AMER2: variants seen among roughly 807,000 people sequenced by gnomAD.
The protein encoded by AMER2 is family with sequence similarity 123A.
A neutral mutation model predicts 4.7 loss-of-function variants in AMER2; 1 was observed. That is an observed-to-expected ratio of 0.21 (90% confidence interval 0.07 to 1.00). AMER2 has a LOEUF of 1.00. Among genes scored for constraint, AMER2 ranks in the 50% least tolerant of loss-of-function variants. The probability of loss-of-function intolerance (pLI) is 0.60; values close to 1 mark genes in which losing one functional copy is unlikely to be tolerated. For missense variants in AMER2, 988 were observed against 966.9 expected (o/e 1.02, Z -0.29); for synonymous variants, 485 against 433.3 (o/e 1.12, Z -1.48).
Position 25,169,967 on chromosome 13 carries a change from G to C in AMER2, c.1653C>G (p.Ser551Arg), listed in dbSNP as rs375589201. Residue 551 changes from serine to arginine, a missense_variant, in exon 1 of 1, where the codon AGC (serine) becomes AGG (arginine). By Grantham distance (110) the Ser-to-Arg change is moderately radical (BLOSUM62 -1). Transcript: ENST00000515384. This position sits in a 1 kb window ranked among gnomAD's most constrained non-coding sequence, Gnocchi z 4.2. ...CATAGAGATCATAGAGCGCGTCCCC[G>C]CTGTAGCTATCCCGGGGGATGCCCG... Reference protein sequence around the residue: ...KKAGIPRDSYSGDALYDLYAD... With the variant: ...KKAGIPRDSYRGDALYDLYAD... 6.2e-7 allele frequency: 1 copy of C among 1,613,994 alleles called. No individual in the cohort carries two copies. Among genetic ancestry groups the C allele is most frequent in the African/African-American group, 1.3e-5 (1 of 74,932 alleles).
chr13:25,170,966 G>C lies in AMER2; in HGVS notation c.654C>G (p.Arg218=). ...KRAKAEAAEG[R]APGGGLILPG... ...GTAGGATCAAGCCGCCCCCGGGCGC[G>C]CGCCCCTCCGCGGCCTCCGCCTTGG... The change falls in exon 1 of 1, where the codon CGC becomes CGG. Residue 218 remains arginine, a synonymous_variant. Transcript: ENST00000515384. The surrounding 1 kb of genome is among the most constrained non-coding windows in gnomAD (Gnocchi z 7.3). 1 of 1,542,468 alleles carries C rather than the reference G, an allele frequency of 6.5e-7. No homozygotes were observed. Among genetic ancestry groups the C allele is most frequent in the Non-Finnish European group, 8.7e-7 (1 of 1,147,486 alleles).
chr13:25,171,995 C>A lies in AMER2; in HGVS notation c.-376G>T, dbSNP rs934723894. 1.2e-5 allele frequency: 3 copies of A among 241,410 alleles called. No individual in the cohort carries two copies. The highest frequency in any genetic ancestry group is 7.8e-6 in the Non-Finnish European group (1 of 127,552). The allele number at this position is 241,410 out of a possible 1,614,324, so 15.0% of individuals were successfully genotyped here. A position where few individuals can be genotyped will look rare whatever the true frequency, so the allele number is the denominator to read the frequency against. On this transcript the variant is annotated 5_prime_UTR_variant, in exon 1 of 1. Coordinates refer to ENST00000515384, the MANE Select transcript of AMER2 (RefSeq NM_152704.4). This position sits in a 1 kb window ranked among gnomAD's most constrained non-coding sequence, Gnocchi z 5.9. Reference sequence around the variant, plus strand: ...TGCCTCTAAAAACGACAACGCAATTCAACCCACCACAAAATGCTTGTTTTT... The same window carrying A: ...TGCCTCTAAAAACGACAACGCAATTAAACCCACCACAAAATGCTTGTTTTT...
In AMER2 at chr13:25,170,706, C is replaced by A. The variant is rs571117602; in HGVS notation, c.914G>T (p.Arg305Leu). Residue 305 changes from arginine (R) to leucine (L), a missense_variant, in exon 1 of 1, where the codon CGC becomes CTC. By Grantham distance (102) the Arg-to-Leu change is moderately radical. Coordinates refer to ENST00000515384, the MANE Select transcript of AMER2 (RefSeq NM_152704.4). The surrounding 1 kb of genome is among the most constrained non-coding windows in gnomAD (Gnocchi z 7.3). ...GACCTCCCCGGGCCCCGGCTCGGCGCGCCGATGCCCCGCGGCGTCCTCTCC... is the reference window on the plus strand; with the variant it reads ...GACCTCCCCGGGCCCCGGCTCGGCGAGCCGATGCCCCGCGGCGTCCTCTCC... Reference protein sequence around the residue: ...ARGEDAAGHRRAEPGPGEVRT... With the variant: ...ARGEDAAGHRLAEPGPGEVRT... 1,088 of 1,493,392 alleles carry A rather than the reference C, an allele frequency of 7.3e-4. 8 individuals are homozygous for A. In the African/African-American group the frequency reaches 0.015, roughly 20 times the overall value. The allele number at this position is 1,493,392 out of a possible 1,614,324, so 92.5% of individuals were successfully genotyped here.
rs1224834432 is a variant in AMER2 at position 25,167,582 on chromosome 13, A to G, written c.*2022T>C. 1.3e-5 allele frequency: 2 copies of G among 152,192 alleles called. No individual in the cohort carries two copies. The highest frequency in any genetic ancestry group is 4.8e-5 in the African/African-American group (2 of 41,468). The allele number at this position is 152,192 out of a possible 1,614,324, so 9.4% of individuals were successfully genotyped here. ...TCTTGGTAGTGTGTTCAGAATGCTT[A>G]AGGCTATGACTGCATATAGGGCCTC... On this transcript the variant is annotated 3_prime_UTR_variant, in exon 1 of 1. Coordinates refer to ENST00000515384, the MANE Select transcript of AMER2 (RefSeq NM_152704.4).
rs1165505830 is a variant in AMER2, at chr13:25,164,937, C to T, written c.*4667G>A. ...GAATATTAAGAAAATCCAATTACAG[C>T]GCAGCTTAGGTGTGAGCTCCAAACT... On this transcript the variant is annotated 3_prime_UTR_variant, in exon 1 of 1. Transcript: ENST00000515384. 4 of 152,136 alleles carry T rather than the reference C, an allele frequency of 2.6e-5. No homozygotes were observed. The highest frequency in any genetic ancestry group is 5.9e-5 in the Non-Finnish European group (4 of 68,032). 9.4% of individuals were successfully genotyped at this position (152,136 alleles called of 1,614,324 possible).
Position 25,168,354 on chromosome 13 carries a change from G to C in AMER2, c.*1250C>G, listed in dbSNP as rs1449161393. On this transcript the variant is annotated 3_prime_UTR_variant, in exon 1 of 1. Transcript: ENST00000515384. ...ATGTGAAAAACTGTATCTTTCTATTGTTTTTCTTTATGTGTTCCTCATTTT... is the reference window on the plus strand; with the variant it reads ...ATGTGAAAAACTGTATCTTTCTATTCTTTTTCTTTATGTGTTCCTCATTTT... 6.6e-6 allele frequency: 1 copy of C among 152,030 alleles called. No homozygotes were observed. Among genetic ancestry groups the C allele is most frequent in the African/African-American group, 2.4e-5 (1 of 41,406 alleles). The allele number at this position is 152,030 out of a possible 1,614,324, so 9.4% of individuals were successfully genotyped here.
rs770855814 is a variant in AMER2, at chr13:25,166,436, T to G, written c.*3168A>C. On this transcript the variant is annotated 3_prime_UTR_variant, in exon 1 of 1. Transcript: ENST00000515384. ...TAAACGCATCAACCACCATCTGTAC[T>G]AAAGCAGAGTGTTTCAAATAACAGT... 1.3e-5 allele frequency: 2 copies of G among 152,194 alleles called. No homozygotes were observed. Among genetic ancestry groups the G allele is most frequent in the African/African-American group, 2.4e-5 (1 of 41,458 alleles). 9.4% of individuals were successfully genotyped at this position (152,194 alleles called of 1,614,324 possible).
Position 25,171,470 on chromosome 13 carries a change from G to T in AMER2, c.150C>A (p.Ala50=). ...AADMDLHCDC[A]AETPAAEPPS... The stretch of plus-strand genomic sequence containing the variant: ...GCGGCTCGGCGGCCGGCGTTTCGGC[G>T]GCACAGTCACAATGCAAGTCCATGT... Residue 50 remains alanine, a synonymous_variant, in exon 1 of 1, where the codon GCC becomes GCA. Transcript: ENST00000515384. The surrounding 1 kb of genome is among the most constrained non-coding windows in gnomAD (Gnocchi z 5.9). The T allele has an allele frequency of 6.2e-7, 1 of 1,609,692 alleles. No individual in the cohort carries two copies.
Position 25,171,243 on chromosome 13 carries a change from C to A in AMER2, c.377G>T (p.Gly126Val). 7.1e-7 allele frequency: 1 copy of A among 1,413,024 alleles called. No homozygotes were observed. The highest frequency in any genetic ancestry group is 2.9e-5 in the East Asian group (1 of 34,970). 87.5% of individuals were successfully genotyped at this position (1,413,024 alleles called of 1,614,324 possible). A position where few individuals can be genotyped will look rare whatever the true frequency, so the allele number is the denominator to read the frequency against. The stretch of plus-strand genomic sequence containing the variant: ...CCCGCCGCCCCCGCCGCTGTCGCCC[C>A]CGCCGCGCGGCTCCTCCTTCCTGCC... ...ESGRKEEPRG[G>V]GDSGGGGGGR... The change falls in exon 1 of 1, where the codon GGG (glycine) becomes GTG (valine). Residue 126 changes from glycine (G) to valine (V), a missense_variant. By Grantham distance (109) the Gly-to-Val change is moderately radical. Transcript: ENST00000515384. The surrounding 1 kb of genome is among the most constrained non-coding windows in gnomAD (Gnocchi z 5.9).
rs553258918 is a variant in AMER2, at chr13:25,171,837, G to A, written c.-218C>T. On this transcript the variant is annotated 5_prime_UTR_variant, in exon 1 of 1. Transcript: ENST00000515384. This position sits in a 1 kb window ranked among gnomAD's most constrained non-coding sequence, Gnocchi z 5.9. Reference sequence around the variant, plus strand: ...GCATGGCGTTTTTGTGGCAGGAGCAGGCAACACAGCCGCGAGCTGATTGCA... The same window carrying A: ...GCATGGCGTTTTTGTGGCAGGAGCAAGCAACACAGCCGCGAGCTGATTGCA... 57 of 914,102 alleles carry A rather than the reference G, an allele frequency of 6.2e-5. No individual in the cohort carries two copies. Among genetic ancestry groups the A allele is most frequent in the Non-Finnish European group, 7.3e-5 (50 of 683,808 alleles). The allele number at this position is 914,102 out of a possible 1,614,324, so 56.6% of individuals were successfully genotyped here.
Position 25,170,914 on chromosome 13 carries a change from A to T in AMER2, c.706T>A (p.Cys236Ser). The T allele has an allele frequency of 6.8e-7, 1 of 1,472,616 alleles. No homozygotes were observed. Among genetic ancestry groups the T allele is most frequent in the Non-Finnish European group, 8.9e-7 (1 of 1,118,642 alleles). The allele number at this position is 1,472,616 out of a possible 1,614,324, so 91.2% of individuals were successfully genotyped here. A position where few individuals can be genotyped will look rare whatever the true frequency, so the allele number is the denominator to read the frequency against. The change falls in exon 1 of 1, where the codon TGC (cysteine) becomes AGC (serine). Residue 236 changes from cysteine (C) to serine (S), a missense_variant. By Grantham distance (112) the Cys-to-Ser change is moderately radical. Coordinates refer to ENST00000515384, the MANE Select transcript of AMER2 (RefSeq NM_152704.4). The surrounding 1 kb of genome is among the most constrained non-coding windows in gnomAD (Gnocchi z 7.3). ...GCTCTGGGCGTCTCCTCCTTGACGC[A>T]CTCCAGGCTGGCGGTGAGCGAGCCG... ...LPGSLTASLE[C>S]VKEETPRAAR...
chr13:25,167,448 C>T lies in AMER2; in HGVS notation c.*2156G>A, dbSNP rs1267005849. 1 of 152,108 alleles carries T rather than the reference C, an allele frequency of 6.6e-6. No individual in the cohort carries two copies. The highest frequency in any genetic ancestry group is 2.4e-5 in the African/African-American group (1 of 41,440). 9.4% of individuals were successfully genotyped at this position (152,108 alleles called of 1,614,324 possible). Reference sequence around the variant, plus strand: ...TCAAATGTAAATCCCTTGTTTAATACAGAAATAATTTCAAAAATAATTTCC... The same window carrying T: ...TCAAATGTAAATCCCTTGTTTAATATAGAAATAATTTCAAAAATAATTTCC... On this transcript the variant is annotated 3_prime_UTR_variant, in exon 1 of 1. Transcript: ENST00000515384.
At position 25,169,782 on chromosome 13, in the gene AMER2, T is replaced by C. The variant is rs1378975041; in HGVS notation, c.1838A>G (p.Lys613Arg). 2 of 1,614,202 alleles carry C rather than the reference T, an allele frequency of 1.2e-6. No individual in the cohort carries two copies. Among genetic ancestry groups the C allele is most frequent in the Admixed American group, 1.7e-5 (1 of 60,034 alleles). Residue 613 changes from lysine to arginine, a missense_variant, in exon 1 of 1, where the codon AAG (lysine) becomes AGG (arginine). Transcript: ENST00000515384. The surrounding 1 kb of genome is among the most constrained non-coding windows in gnomAD (Gnocchi z 4.2). ...LKDSKIPISIKHLTNLPSSHP... is the reference protein window; with the variant it reads ...LKDSKIPISIRHLTNLPSSHP... ...GCTAGATGGAAGGTTGGTCAGGTGC[T>C]TGATGCTAATAGGGATCTTAGAGTC...
Position 25,171,595 on chromosome 13 carries a change from C to T in AMER2, c.25G>A (p.Gly9Ser). 6.7e-7 allele frequency: 1 copy of T among 1,501,672 alleles called. No individual in the cohort carries two copies. Among genetic ancestry groups the T allele is most frequent in the Non-Finnish European group, 8.8e-7 (1 of 1,139,310 alleles). 93.0% of individuals were successfully genotyped at this position (1,501,672 alleles called of 1,614,324 possible). A position where few individuals can be genotyped will look rare whatever the true frequency, so the allele number is the denominator to read the frequency against. The change falls in exon 1 of 1, where the codon GGC (glycine) becomes AGC (serine). Residue 9 changes from glycine to serine, a missense_variant. Gly to Ser is a moderately conservative substitution (Grantham distance 56). Transcript: ENST00000515384. This position sits in a 1 kb window ranked among gnomAD's most constrained non-coding sequence, Gnocchi z 5.9. METSRSRG[G>S]GGAVSERGGA... ...CCGCGCTCGCTGACAGCCCCGCCGC[C>T]GCCGCGGCTCCGGCTCGTCTCCATG...
At position 25,167,307 on chromosome 13, in the gene AMER2, T is replaced by A. The variant is rs545407229; in HGVS notation, c.*2297A>T. On this transcript the variant is annotated 3_prime_UTR_variant, in exon 1 of 1. Transcript: ENST00000515384. ...AGAATATAACCCTTGCAGGAAAATGTACAACAAGGAAATCAAGATCCTTTG... is the reference window on the plus strand; with the variant it reads ...AGAATATAACCCTTGCAGGAAAATGAACAACAAGGAAATCAAGATCCTTTG... 1 of 152,324 alleles carries A rather than the reference T, an allele frequency of 6.6e-6. No homozygotes were observed. The highest frequency in any genetic ancestry group is 2.4e-5 in the African/African-American group (1 of 41,590). 9.4% of individuals were successfully genotyped at this position (152,324 alleles called of 1,614,324 possible). A position where few individuals can be genotyped will look rare whatever the true frequency, so the allele number is the denominator to read the frequency against.
Position 25,167,995 on chromosome 13 carries a change from A to G in AMER2, c.*1609T>C, listed in dbSNP as rs541778708. The G allele has an allele frequency of 2.4e-4, 37 of 152,338 alleles. No individual in the cohort carries two copies. The highest frequency in any genetic ancestry group is 8.7e-4 in the African/African-American group (36 of 41,588). The allele number at this position is 152,338 out of a possible 1,614,324, so 9.4% of individuals were successfully genotyped here. ...ATTTACATATGTGCAGTTTCACGTG[A>G]ATATGCATAATCTTCCTGGTATGAT... On this transcript the variant is annotated 3_prime_UTR_variant, in exon 1 of 1. Transcript: ENST00000515384.
In AMER2 at chr13:25,162,487, TCTC is replaced by T. The variant is rs886217812; in HGVS notation, c.*7114_*7116del. ...TGTTAAATATTACTTTGCTAGAGTT[TCTC>T]CTCCTTTATTTAGAAATAAATGTGT... is the stretch of plus-strand genomic sequence containing the variant. On this transcript the variant is annotated 3_prime_UTR_variant, in exon 1 of 1. Transcript: ENST00000515384. 1.3e-5 allele frequency: 2 copies of T among 152,210 alleles called. No homozygotes were observed. The highest frequency in any genetic ancestry group is 2.9e-5 in the Non-Finnish European group (2 of 68,030). The allele number at this position is 152,210 out of a possible 1,614,324, so 9.4% of individuals were successfully genotyped here. A position where few individuals can be genotyped will look rare whatever the true frequency, so the allele number is the denominator to read the frequency against.
rs922055649 is a variant in AMER2 at position 25,167,179 on chromosome 13, C to G, written c.*2425G>C. 6.6e-6 allele frequency: 1 copy of G among 152,068 alleles called. No individual in the cohort carries two copies. The highest frequency in any genetic ancestry group is 1.5e-5 in the Non-Finnish European group (1 of 67,986). 9.4% of individuals were successfully genotyped at this position (152,068 alleles called of 1,614,324 possible). On this transcript the variant is annotated 3_prime_UTR_variant, in exon 1 of 1. Transcript: ENST00000515384. ...TTCTACTGCTTAAGAAATAGATTGC[C>G]TTTACTATTACAATATTCTCATAAG...
rs1593689140 is a variant in AMER2 at position 25,170,991 on chromosome 13, G to A, written c.629C>T (p.Ala210Val). 1 of 1,562,574 alleles carries A rather than the reference G, an allele frequency of 6.4e-7. No homozygotes were observed. The highest frequency in any genetic ancestry group is 8.6e-7 in the Non-Finnish European group (1 of 1,156,200). Residue 210 changes from alanine to valine, a missense_variant, in exon 1 of 1, where the codon GCC (alanine) becomes GTC (valine). By Grantham distance (64) the Ala-to-Val change is moderately conservative. Coordinates refer to ENST00000515384, the MANE Select transcript of AMER2 (RefSeq NM_152704.4). This position sits in a 1 kb window ranked among gnomAD's most constrained non-coding sequence, Gnocchi z 7.3. The part of the protein sequence containing the change: ...GMRWHRKDKR[A>V]KAEAAEGRAP... ...GCGCCCCTCCGCGGCCTCCGCCTTG[G>A]CCCGCTTGTCTTTCCTGTGCCAGCG...
Sources: allele counts gnomAD v4.1 joint callset, GRCh38; gene constraint gnomAD v4.1.1; non-coding constraint Gnocchi (gnomAD v3.1); transcripts MANE v1.5; gene names NCBI Gene and HGNC (gene_info 2026-07-23, HGNC 2026-07-21).